Variants in PGGT1B observed in about 807,000 individuals in gnomAD.
PGGT1B encodes geranylgeranyl transferase type-1 subunit beta.
Under a neutral mutation model 46.1 loss-of-function variants are expected in PGGT1B, and 30 were observed. The observed-to-expected ratio is 0.65, with a 90% confidence interval of 0.49 to 0.88. The LOEUF is 0.88. Ranked by LOEUF, PGGT1B falls within the 40% of genes least tolerant of loss-of-function variation. The probability of loss-of-function intolerance (pLI) is 0.00; values close to 1 mark genes in which losing one functional copy is unlikely to be tolerated. For missense variants in PGGT1B, 376 were observed against 455.9 expected, an observed-to-expected ratio of 0.82 and a Z score of 1.60; for synonymous variants, 170 against 160.0, an observed-to-expected ratio of 1.06 and a Z score of -0.47.
At chr5:115,222,195 T>C (rs972413546) in intron 6 of PGGT1B, among the ~76,000 whole-genome samples, 187 bp from the exon 7 acceptor site, 1 of 152,090 alleles carries the variant, frequency 6.6e-6, no homozygotes, top group African/African-American at 2.4e-5. Context: ...AAACAGAGAA[T>C]ATAAAGCTAT....
intron 1 of PGGT1B, among the ~76,000 whole-genome samples, chr5:115,253,885 T>C (rs1054677031): frequency 1.3e-5 from 2 of 152,004 alleles, no homozygotes; most frequent in African/African-American, 4.8e-5. Flanking sequence ...AAATCAGAAA[T>C]CTAAACCTGT....
At chr5:115,236,275 T>C (rs1246259884) in intron 5 of PGGT1B, 115 bp downstream of exon 5, 2 of 753,674 alleles carry the variant, frequency 2.7e-6, no homozygotes, top group African/African-American at 3.7e-5. Context: ...CAAAAAGCAA[T>C]CTTAATGCTC....
chr5:115,255,131 C>A (rs1276367390), intron 1 of PGGT1B, among the ~76,000 whole-genome samples: 4 of 152,116 alleles, frequency 2.6e-5, no homozygotes, highest in African/African-American at 9.7e-5. Context: ...ACAATAAGCA[C>A]GCAATAAATG....
chr5:115,255,356 T>C (rs1288499759), intron 1 of PGGT1B, among the ~76,000 whole-genome samples: 2 of 152,166 alleles, frequency 1.3e-5, no homozygotes, highest in Non-Finnish European at 2.9e-5. Flanking sequence ...ATCACTGCCC[T>C]TGGTGGTAAT....
chr5:115,259,514 C>G (rs558775857), intron 1 of PGGT1B, among the ~76,000 whole-genome samples: 32 of 151,842 alleles, frequency 2.1e-4, no homozygotes, highest in African/African-American at 7.7e-4. Flanking sequence ...ATGGTGAAAC[C>G]GCATCTCTAC....
At chr5:115,226,177 G>A (rs141322925) in intron 6 of PGGT1B, among the ~76,000 whole-genome samples, 5 of 152,158 alleles carry the variant, frequency 3.3e-5, no homozygotes, top group Non-Finnish European at 5.9e-5. Context: ...CCCTAAAACT[G>A]TACAAGATGA....
At chr5:115,213,028 C>T (rs1204500340) in intron 8 of PGGT1B, among the ~76,000 whole-genome samples, 2 of 152,184 alleles carry the variant, frequency 1.3e-5, no homozygotes, top group African/African-American at 4.8e-5. Context: ...ATATCCCTCG[C>T]TCCACGTTTT....
chr5:115,246,727 C>T (rs1031904872), intron 2 of PGGT1B, among the ~76,000 whole-genome samples: 30 of 152,018 alleles, frequency 2.0e-4, no homozygotes, highest in Admixed American at 5.2e-4. Flanking sequence ...GAGGATAGGG[C>T]CTGGAAAATT....
chr5:115,218,067 G>A (rs1756474467), intron 7 of PGGT1B, among the ~76,000 whole-genome samples: 1 of 151,710 alleles, frequency 6.6e-6, no homozygotes, highest in South Asian at 2.1e-4. Context: ...AAAAATAAAG[G>A]TAACCTTATA....
intron 5 of PGGT1B, among the ~76,000 whole-genome samples, 198 bp downstream of exon 5, chr5:115,236,192 T>G (rs1366746251): frequency 6.6e-6 from 1 of 152,262 alleles, no homozygotes; most frequent in East Asian, 1.9e-4. Context: ...AAAATCATAT[T>G]AAATTTTAAT....
chr5:115,255,808 A>AT (rs113650680), intron 1 of PGGT1B, among the ~76,000 whole-genome samples: 193 of 152,332 alleles, frequency 1.3e-3, no homozygotes, highest in African/African-American at 4.5e-3. Context: ...AATTCAAGTA[A>AT]TTTACTTGAA....
intron 1 of PGGT1B, among the ~76,000 whole-genome samples, chr5:115,254,633 C>T (rs1461885097): frequency 8.1e-5 from 12 of 148,450 alleles, no homozygotes; most frequent in Non-Finnish European, 1.5e-4. Context: ...AATTATCGCT[C>T]TGATCCCTGG....
chr5:115,226,934 G>A (rs761467714), intron 6 of PGGT1B, among the ~76,000 whole-genome samples: 1 of 151,918 alleles, frequency 6.6e-6, no homozygotes, highest in Non-Finnish European at 1.5e-5. Context: ...GTTATGAAAA[G>A]AGAAACAAGC....
intron 6 of PGGT1B, among the ~76,000 whole-genome samples, chr5:115,227,757 C>T (rs1756833511): frequency 6.6e-6 from 1 of 152,134 alleles, no homozygotes; most frequent in Non-Finnish European, 1.5e-5. Flanking sequence ...CTTTAATACT[C>T]ATAGTGGTTT....
At position 115,210,471 on chromosome 5, in the gene PGGT1B, C is replaced by T. The variant is rs546774049; in HGVS notation, c.*1931G>A. On this transcript the variant is annotated 3_prime_UTR_variant, in exon 9 of 9. Transcript: ENST00000419445. ...CTGTGGAATGTGAACATTTACTAGT[C>T]CATAAAGTTTCACAAGAAAGTCTCC... 2.6e-5 allele frequency: 4 copies of T among 152,060 alleles called. No homozygotes were observed. The East Asian group carries it at 5.8e-4, about 22-fold the overall frequency. 9.4% of individuals were successfully genotyped at this position (152,060 alleles called of 1,614,324 possible).
chr5:115,262,532 A>T, intron 1 of PGGT1B, 180 bp downstream of exon 1: 1 of 666,318 alleles, frequency 1.5e-6, no homozygotes, highest in South Asian at 1.9e-5. Context: ...ACAGCCTTCC[A>T]GACCTTCCCA....
At chr5:115,260,122 T>G (rs191361486) in intron 1 of PGGT1B, among the ~76,000 whole-genome samples, 163 of 152,280 alleles carry the variant, frequency 1.1e-3, no homozygotes, top group African/African-American at 3.8e-3. Flanking sequence ...AAATCTCTGA[T>G]GAAACCGCAG....
intron 5 of PGGT1B, among the ~76,000 whole-genome samples, chr5:115,235,971 G>A (rs1449477557): frequency 1.3e-5 from 2 of 152,078 alleles, no homozygotes; most frequent in African/African-American, 2.4e-5. Context: ...GCAAAGGATA[G>A]TTCTGGCTAA....
Position 115,205,147 on chromosome 5 carries a change from T to C in PGGT1B, c.*7255A>G, listed in dbSNP as rs1209054217. On this transcript the variant is annotated 3_prime_UTR_variant, in exon 9 of 9. Transcript: ENST00000419445. ...CTTGACTTGCTCATGTAGAATTAAA[T>C]GAGAGGGAAATTGGCTTTGAGCCTA... The C allele has an allele frequency of 6.6e-6, 1 of 152,208 alleles. No individual in the cohort carries two copies. Among genetic ancestry groups the C allele is most frequent in the Non-Finnish European group, 1.5e-5 (1 of 68,020 alleles). The allele number at this position is 152,208 out of a possible 1,614,324, so 9.4% of individuals were successfully genotyped here. A position where few individuals can be genotyped will look rare whatever the true frequency, so the allele number is the denominator to read the frequency against.
Sources: allele counts gnomAD v4.1 joint callset (sites outside exome capture counted in the v4.1 genomes callset), GRCh38; gene constraint gnomAD v4.1.1; transcripts MANE v1.5; gene names NCBI Gene and HGNC (gene_info 2026-07-23, HGNC 2026-07-21).